Variants in DAB1 observed in about 807,000 individuals in gnomAD.
DAB1 encodes the protein disabled homolog 1.
In DAB1, 15 loss-of-function variants were observed where a neutral mutation model predicts 64.6. The ratio of observed to expected loss-of-function variants is 0.23; its 90% confidence interval spans 0.16 to 0.36. The LOEUF (loss-of-function observed/expected upper bound fraction) is 0.36. Ranked by LOEUF, DAB1 falls within the 10% of genes least tolerant of loss-of-function variation. The pLI is 1.00. For missense variants in DAB1, 596 were observed against 706.7 expected (o/e 0.84, Z 1.78); for synonymous variants, 235 against 251.9 (o/e 0.93, Z 0.64).
chr1:57,686,465 C>A (rs771887716), intron 6 of DAB1, among the ~76,000 whole-genome samples: 2 of 152,108 alleles, frequency 1.3e-5, no homozygotes, highest in Non-Finnish European at 2.9e-5. Context: ...CCAAATTATA[C>A]AAGATGTACA....
intron 2 of DAB1, among the ~76,000 whole-genome samples, chr1:57,198,825 C>T (rs181977426): frequency 2.6e-5 from 4 of 152,018 alleles, no homozygotes; most frequent in African/African-American, 7.2e-5. Context: ...GAAGAGGACA[C>T]GGGAGGTGAA....
chr1:57,485,765 G>A (rs1389290999), intron 7 of DAB1, among the ~76,000 whole-genome samples: 1 of 152,188 alleles, frequency 6.6e-6, no homozygotes, highest in Non-Finnish European at 1.5e-5. Context: ...CTTAGCACTG[G>A]TGTAGAGCAT....
At chr1:57,716,130 GA>G (rs1647081409) in intron 6 of DAB1, among the ~76,000 whole-genome samples, 1 of 152,048 alleles carries the variant, frequency 6.6e-6, no homozygotes, top group Admixed American at 6.6e-5. Flanking sequence ...GGCTGGTCTC[GA>G]ACTCCTGACC....
intron 5 of DAB1, among the ~76,000 whole-genome samples, chr1:58,125,409 T>G (rs1184743464): frequency 6.6e-6 from 1 of 151,998 alleles, no homozygotes; most frequent in Non-Finnish European, 1.5e-5. Flanking sequence ...CTACTACTAA[T>G]AATAGTCATA....
chr1:57,422,746 G>T (rs1685021624), intron 1 of DAB1, among the ~76,000 whole-genome samples: 1 of 152,214 alleles, frequency 6.6e-6, no homozygotes, highest in African/African-American at 2.4e-5. Context: ...TTCACACGGA[G>T]TGAAACGTAC....
At chr1:57,922,295 A>C (rs1644819432) in intron 5 of DAB1, among the ~76,000 whole-genome samples, 1 of 152,128 alleles carries the variant, frequency 6.6e-6, no homozygotes, top group South Asian at 2.1e-4. Flanking sequence ...GGGAAGAAAA[A>C]TGAAGGGAGG....
chr1:58,534,724 C>A (rs2100483504), intron 1 of DAB1, among the ~76,000 whole-genome samples: 1 of 152,326 alleles, frequency 6.6e-6, no homozygotes, highest in Middle Eastern at 3.4e-3. Flanking sequence ...CACCTCAGCT[C>A]AGAAGTTCAA....
chr1:57,095,980 T>C (rs755319243), intron 4 of DAB1, among the ~76,000 whole-genome samples: 12 of 152,242 alleles, frequency 7.9e-5, no homozygotes, highest in Non-Finnish European at 1.0e-4. Context: ...ATGAGAATAA[T>C]AGTAATCATA....
chr1:58,290,215 T>C (rs1209168081), intron 4 of DAB1, among the ~76,000 whole-genome samples: 1 of 151,852 alleles, frequency 6.6e-6, no homozygotes, highest in Admixed American at 6.6e-5. Flanking sequence ...TGGCATAGAG[T>C]GGCATAAGAG....
At chr1:58,038,127 T>C (rs1407882257) in intron 5 of DAB1, among the ~76,000 whole-genome samples, 1 of 152,172 alleles carries the variant, frequency 6.6e-6, no homozygotes, top group Admixed American at 6.5e-5. Context: ...GGCCCTCTTA[T>C]GGAAAATGAA....
chr1:57,736,722 C>T (rs1647707868), intron 6 of DAB1, among the ~76,000 whole-genome samples: 1 of 152,078 alleles, frequency 6.6e-6, no homozygotes. Flanking sequence ...GCCATTAATT[C>T]TCCCCTCCCT....
intron 7 of DAB1, among the ~76,000 whole-genome samples, chr1:57,510,801 C>T (rs954746072): frequency 1.8e-4 from 28 of 152,012 alleles, no homozygotes; most frequent in East Asian, 7.7e-4. Context: ...TTTTTAGACT[C>T]GGGGTCTCGC....
intron 1 of DAB1, among the ~76,000 whole-genome samples, chr1:57,304,025 CTGTT>C (rs1421095533): frequency 2.6e-5 from 4 of 152,250 alleles, no homozygotes; most frequent in African/African-American, 7.2e-5. Context: ...AAATATATCA[CTGTT>C]TGTATTAGTC....
chr1:57,529,136 TAG>T (rs1644631602), intron 7 of DAB1, among the ~76,000 whole-genome samples: 1 of 12,148 alleles, frequency 8.2e-5, no homozygotes, highest in Non-Finnish European at 2.3e-4. Flanking sequence ...ATTCACAAAG[TAG>T]CACAATATAA....
At chr1:58,473,829 TCCC>T (rs1161396397) in intron 3 of DAB1, 1 of 586,376 alleles carries the variant, frequency 1.7e-6, no homozygotes, top group African/African-American at 1.9e-5. Context: ...CAAGCACACT[TCCC>T]AAGACTGGTG....
intron 7 of DAB1, among the ~76,000 whole-genome samples, chr1:57,607,991 A>T (rs1482628323): frequency 2.0e-5 from 3 of 152,124 alleles, no homozygotes; most frequent in African/African-American, 7.2e-5. Context: ...TGGGGCAAAA[A>T]TAACTGCTGG....
chr1:57,812,883 T>G (rs1228934766), intron 6 of DAB1, among the ~76,000 whole-genome samples: 4 of 152,180 alleles, frequency 2.6e-5, no homozygotes, highest in Non-Finnish European at 5.9e-5. Flanking sequence ...GAACATGAAC[T>G]TCCCCTTGTG....
At chr1:58,066,299 T>C (rs955380973) in intron 5 of DAB1, among the ~76,000 whole-genome samples, 3 of 152,090 alleles carry the variant, frequency 2.0e-5, no homozygotes, top group African/African-American at 7.2e-5. Context: ...GTAGGGGAAA[T>C]CATGAGGAAT....
At chr1:57,891,245 C>T (rs776805072) in intron 5 of DAB1, among the ~76,000 whole-genome samples, 3 of 152,018 alleles carry the variant, frequency 2.0e-5, no homozygotes, top group African/African-American at 7.2e-5. Context: ...ATGCGGCCAA[C>T]AAACATGAAA....
Sources: allele counts gnomAD v4.1 joint callset (sites outside exome capture counted in the v4.1 genomes callset), GRCh38; gene constraint gnomAD v4.1.1; transcripts MANE v1.5; gene names NCBI Gene and HGNC (gene_info 2026-07-23, HGNC 2026-07-21).